Variants in EXOC6B observed in about 807,000 individuals in gnomAD.
The protein encoded by EXOC6B is SEC15 homolog B.
A neutral mutation model predicts 113.5 loss-of-function variants in EXOC6B; 54 were observed. The observed-to-expected ratio is 0.48, with a 90% CI of 0.38 to 0.60. The LOEUF (loss-of-function observed/expected upper bound fraction) is 0.60. Among genes scored for constraint, EXOC6B ranks in the 20% least tolerant of loss-of-function variants. EXOC6B has a pLI of 0.00. For synonymous variants in EXOC6B, 357 were observed against 339.0 expected, an observed-to-expected ratio of 1.05 and a Z score of -0.58; for missense variants, 797 against 977.5, an observed-to-expected ratio of 0.82 and a Z score of 2.46.
chr2:72,671,554 C>T (rs925902781), intron 6 of EXOC6B, among the ~76,000 whole-genome samples: 1 of 151,714 alleles, frequency 6.6e-6, no homozygotes, highest in Non-Finnish European at 1.5e-5. Flanking sequence ...AGTAATTCGC[C>T]GGGCGTGGTG....
rs191068984 is a variant in EXOC6B, at chr2:72,409,044, C to A, written c.1981-29174G>T. On this transcript the variant is annotated intron_variant, in intron 18 of 21. Transcript: ENST00000272427. ...AGAAAAAAACAAACAACCCCATCAA[C>A]AAGTGGGCAAAGGATATGAACAGAC... Among the ~76,000 whole-genome samples the A allele has an allele frequency of 7.3e-3, 1,115 of 152,088 alleles. 16 individuals carry two copies. The highest frequency in any genetic ancestry group is 0.026 in the African/African-American group (1,073 of 41,496).
intron 20 of EXOC6B, among the ~76,000 whole-genome samples, chr2:72,216,297 GA>G (rs973505144): frequency 1.3e-5 from 2 of 152,052 alleles, no homozygotes; most frequent in African/African-American, 4.8e-5. Flanking sequence ...ACAAACATAT[GA>G]AAAAAAGTTC....
intron 20 of EXOC6B, among the ~76,000 whole-genome samples, chr2:72,254,609 G>A (rs1475350346): frequency 6.6e-6 from 1 of 152,218 alleles, no homozygotes; most frequent in Non-Finnish European, 1.5e-5. Context: ...TAAACATGTA[G>A]AAGTGGCTAT....
intron 1 of EXOC6B, among the ~76,000 whole-genome samples, chr2:72,796,837 T>C (rs943094162): frequency 1.3e-5 from 2 of 152,198 alleles, no homozygotes; most frequent in Non-Finnish European, 2.9e-5. Context: ...AGGAGACAGC[T>C]AGCTCAATCT....
chr2:72,593,161 T>G (rs1706080288), intron 6 of EXOC6B, among the ~76,000 whole-genome samples: 1 of 152,190 alleles, frequency 6.6e-6, no homozygotes, highest in Non-Finnish European at 1.5e-5. Context: ...TCCATGCCCT[T>G]CCTCCATACC....
At chr2:72,762,353 AC>A (rs377257873) in intron 1 of EXOC6B, among the ~76,000 whole-genome samples, 6 of 152,146 alleles carry the variant, frequency 3.9e-5, no homozygotes, top group African/African-American at 1.4e-4. Flanking sequence ...AATGTTCAGC[AC>A]AGAAATGGAT....
chr2:72,771,924 G>A lies in EXOC6B; in HGVS notation c.114-30455C>T, dbSNP rs144434385. Among the ~76,000 whole-genome samples, 156 of 152,228 alleles carry A rather than the reference G, an allele frequency of 1.0e-3. 1 individual carries two copies. The highest frequency in any genetic ancestry group is 3.1e-3 in the African/African-American group (130 of 41,546). On this transcript the variant is annotated intron_variant, in intron 1 of 21. Transcript: ENST00000272427. Reference sequence around the variant, plus strand: ...ATTTTAGATATTAAAACTGAGGAGCGATGTCAGCAAGATGGCAGAATAGGA... The same window carrying A: ...ATTTTAGATATTAAAACTGAGGAGCAATGTCAGCAAGATGGCAGAATAGGA...
chr2:72,454,738 A>C (rs1697115111), intron 18 of EXOC6B, among the ~76,000 whole-genome samples: 1 of 152,162 alleles, frequency 6.6e-6, no homozygotes, highest in Non-Finnish European at 1.5e-5. Flanking sequence ...TAAAGAGGCA[A>C]AGGACTACTG....
intron 20 of EXOC6B, among the ~76,000 whole-genome samples, chr2:72,253,408 G>T (rs544878242): frequency 2.2e-4 from 34 of 152,184 alleles, no homozygotes; most frequent in Admixed American, 2.1e-3. Flanking sequence ...ATATTTTTCC[G>T]AGCACTATTC....
intron 6 of EXOC6B, among the ~76,000 whole-genome samples, chr2:72,704,496 A>G (rs1431073264): frequency 1.3e-4 from 19 of 149,314 alleles, no homozygotes; most frequent in African/African-American, 4.2e-4. Flanking sequence ...ACTGAAGGAA[A>G]TAGAGACACA....
At chr2:72,733,416 A>C (rs537625911) in intron 2 of EXOC6B, among the ~76,000 whole-genome samples, 7 of 152,290 alleles carry the variant, frequency 4.6e-5, no homozygotes, top group Admixed American at 3.3e-4. Context: ...GACAAGAGGA[A>C]AAAGGGGAGA....
chr2:72,446,224 A>T (rs947119521), intron 18 of EXOC6B, among the ~76,000 whole-genome samples: 7 of 152,128 alleles, frequency 4.6e-5, no homozygotes, highest in Admixed American at 4.6e-4. Flanking sequence ...AAAAACATTA[A>T]ATCAACCTAA....
chr2:72,252,896 A>T (rs1453372680), intron 20 of EXOC6B, among the ~76,000 whole-genome samples: 1 of 152,318 alleles, frequency 6.6e-6, no homozygotes, highest in East Asian at 1.9e-4. Flanking sequence ...CACAGATCAC[A>T]ATACTGGAAA....
intron 1 of EXOC6B, among the ~76,000 whole-genome samples, chr2:72,755,332 G>C (rs1241692236): frequency 6.6e-6 from 1 of 152,038 alleles, no homozygotes; most frequent in Non-Finnish European, 1.5e-5. Context: ...TCATATTTTT[G>C]AAAGGGTACT....
At chr2:72,699,964 A>T (rs1005258853) in intron 6 of EXOC6B, among the ~76,000 whole-genome samples, 2 of 152,176 alleles carry the variant, frequency 1.3e-5, no homozygotes, top group African/African-American at 4.8e-5. Context: ...GTGGATGCTC[A>T]AGTCCCTTAC....
chr2:72,253,884 G>A (rs1369732065), intron 20 of EXOC6B, among the ~76,000 whole-genome samples: 8 of 152,174 alleles, frequency 5.3e-5, no homozygotes. Flanking sequence ...TGTTCGGCTG[G>A]GCACAGTGGC....
chr2:72,340,616 A>T (rs1467679911), intron 19 of EXOC6B, among the ~76,000 whole-genome samples: 1 of 152,142 alleles, frequency 6.6e-6, no homozygotes, highest in Non-Finnish European at 1.5e-5. Flanking sequence ...TGGATTAGGG[A>T]TTGGTTTTGG....
intron 18 of EXOC6B, among the ~76,000 whole-genome samples, chr2:72,385,699 G>A (rs1028446520): frequency 6.6e-6 from 1 of 152,058 alleles, no homozygotes; most frequent in African/African-American, 2.4e-5. Context: ...AATGGGCAAA[G>A]GATCTGAATA....
intron 17 of EXOC6B, among the ~76,000 whole-genome samples, chr2:72,467,685 C>T (rs1698138071): frequency 6.6e-6 from 1 of 152,076 alleles, no homozygotes; most frequent in Admixed American, 6.6e-5. Context: ...TGTTTTCTTG[C>T]TATTGAATTA....
Sources: gnomAD v4.1 joint callset for allele counts (sites outside exome capture counted in the v4.1 genomes callset) on GRCh38, gnomAD v4.1.1 for gene constraint, MANE v1.5 for transcripts, NCBI Gene and HGNC (gene_info 2026-07-23, HGNC 2026-07-21) for gene names.